The following BRINP3 variants were observed in gnomAD, a reference collection of about 807,000 sequenced individuals.
The protein encoded by BRINP3 is BMP/retinoic acid-inducible neural-specific protein 3.
Under a neutral mutation model 71.0 loss-of-function variants are expected in BRINP3, and 19 were observed. The observed-to-expected ratio is 0.27, with a 90% CI of 0.19 to 0.39. The LOEUF (loss-of-function observed/expected upper bound fraction) is 0.39. BRINP3 is among the 10% of genes least tolerant of loss of function. The probability of loss-of-function intolerance (pLI) is 1.00; values close to 1 mark genes in which losing one functional copy is unlikely to be tolerated. For synonymous variants in BRINP3, 380 were observed against 337.7 expected, an observed-to-expected ratio of 1.13 and a Z score of -1.37; for missense variants, 959 against 940.8, an observed-to-expected ratio of 1.02 and a Z score of -0.25.
intron 3 of BRINP3, among the ~76,000 whole-genome samples, chr1:190,270,579 T>A (rs1270483928): frequency 1.3e-5 from 2 of 151,828 alleles, no homozygotes; most frequent in African/African-American, 4.8e-5. Flanking sequence ...TTTTATGCAG[T>A]ATGTTGTTAC....
At chr1:190,270,439 T>C (rs1410839466) in intron 3 of BRINP3, among the ~76,000 whole-genome samples, 1 of 151,626 alleles carries the variant, frequency 6.6e-6, no homozygotes, top group African/African-American at 2.4e-5. Flanking sequence ...TTTGTAAAAA[T>C]AAGTGACTTA....
chr1:190,146,331 G>C (rs1278310591), intron 7 of BRINP3, among the ~76,000 whole-genome samples: 5 of 152,168 alleles, frequency 3.3e-5, no homozygotes, highest in Non-Finnish European at 5.9e-5. Context: ...CTTAAAAGGA[G>C]TGTCTTGGTA....
intron 4 of BRINP3, among the ~76,000 whole-genome samples, chr1:190,245,306 A>C (rs1470369407): frequency 6.6e-6 from 1 of 151,866 alleles, no homozygotes; most frequent in Non-Finnish European, 1.5e-5. Flanking sequence ...ACAAATCCAA[A>C]TTCTTTAGGA....
At chr1:190,408,658 T>C (rs1672461979) in intron 2 of BRINP3, among the ~76,000 whole-genome samples, 2 of 152,214 alleles carry the variant, frequency 1.3e-5, no homozygotes, top group African/African-American at 4.8e-5. Flanking sequence ...TATTTTTAAA[T>C]GTATTAAACT....
chr1:190,234,952 ACT>A (rs552250590), intron 4 of BRINP3, among the ~76,000 whole-genome samples: 1 of 151,960 alleles, frequency 6.6e-6, no homozygotes, highest in African/African-American at 2.4e-5. Context: ...GAAATTCTAA[ACT>A]CTCTGTTTGC....
chr1:190,212,893 T>C (rs978638860), intron 6 of BRINP3, among the ~76,000 whole-genome samples: 1 of 152,092 alleles, frequency 6.6e-6, no homozygotes, highest in Admixed American at 6.6e-5. Flanking sequence ...CATTTGATTA[T>C]ATTATTTTAA....
chr1:190,447,411 C>A (rs993993567), intron 2 of BRINP3, among the ~76,000 whole-genome samples: 4 of 146,256 alleles, frequency 2.7e-5, no homozygotes, highest in African/African-American at 9.9e-5. Context: ...GTATTAATTT[C>A]TTTTTAATTT....
chr1:190,451,250 TTA>T (rs1265789687), intron 2 of BRINP3, among the ~76,000 whole-genome samples: 1 of 152,196 alleles, frequency 6.6e-6, no homozygotes, highest in Non-Finnish European at 1.5e-5. Context: ...AATGTTTATT[TTA>T]TGATAATGAA....
chr1:190,360,022 A>G lies in BRINP3; in HGVS notation c.237-78272T>C, dbSNP rs556765619. Among the ~76,000 whole-genome samples, 6 of 152,314 alleles carry G rather than the reference A, an allele frequency of 3.9e-5. No individual in the cohort carries two copies. The East Asian group carries it at 1.2e-3, about 29-fold the overall frequency. On this transcript the variant is annotated intron_variant, in intron 2 of 7. Transcript: ENST00000367462. ...CGAGAAAAAAGACTCACTTCAGGCT[A>G]TAAAGGATTAAATTTGAAAAAGGCA...
Position 190,098,821 on chromosome 1 carries a change from G to C in BRINP3, c.1498C>G (p.Leu500Val). The change falls in exon 8 of 8, where the codon CTG becomes GTG. Residue 500 changes from leucine (L) to valine (V), a missense_variant. Coordinates refer to ENST00000367462, the MANE Select transcript of BRINP3 (RefSeq NM_199051.3). The part of the protein sequence containing the change: ...TDLQDLEMKY[L>V]LQKTDRRIEV... Reference sequence around the variant, plus strand: ...ATTCGTCTGTCCGTTTTCTGCAGCAGATATTTCATCTCGAGATCTTGCAGG... The same window carrying C: ...ATTCGTCTGTCCGTTTTCTGCAGCACATATTTCATCTCGAGATCTTGCAGG... 6.2e-7 allele frequency: 1 copy of C among 1,614,236 alleles called. No individual in the cohort carries two copies. The highest frequency in any genetic ancestry group is 8.5e-7 in the Non-Finnish European group (1 of 1,180,058).
At chr1:190,391,890 C>T (rs1571933182) in intron 2 of BRINP3, among the ~76,000 whole-genome samples, 2 of 151,698 alleles carry the variant, frequency 1.3e-5, no homozygotes, top group East Asian at 3.9e-4. Flanking sequence ...CGAAGGGAGA[C>T]AGATACTACT....
chr1:190,192,883 G>A (rs1654169732), intron 6 of BRINP3, among the ~76,000 whole-genome samples: 1 of 151,938 alleles, frequency 6.6e-6, no homozygotes, highest in Non-Finnish European at 1.5e-5. Context: ...GAAATATTCG[G>A]GGTAATAATG....
intron 2 of BRINP3, among the ~76,000 whole-genome samples, chr1:190,338,403 TG>T (rs1414493238): frequency 6.6e-6 from 1 of 152,096 alleles, no homozygotes; most frequent in Middle Eastern, 3.2e-3. Flanking sequence ...ACTCTATTGT[TG>T]AAAAGGTAAA....
chr1:190,344,268 G>A (rs141555535), intron 2 of BRINP3, among the ~76,000 whole-genome samples: 43 of 151,800 alleles, frequency 2.8e-4, no homozygotes, highest in Non-Finnish European at 5.6e-4. Context: ...ATTCCCCTTT[G>A]AGTCTGTTAC....
intron 6 of BRINP3, among the ~76,000 whole-genome samples, chr1:190,183,193 T>C (rs1653182785): frequency 6.6e-6 from 1 of 152,126 alleles, no homozygotes; most frequent in African/African-American, 2.4e-5. Flanking sequence ...CTCTGTCAGA[T>C]AATTCTAGCA....
At position 190,226,195 on chromosome 1, in the gene BRINP3, C is replaced by T. The variant is rs1293567748; in HGVS notation, c.848G>A (p.Gly283Asp). The change falls in exon 6 of 8, where the codon GGT becomes GAT. Residue 283 changes from glycine to aspartate, a missense_variant. Gly to Asp is a moderately conservative substitution (Grantham distance 94). Coordinates refer to ENST00000367462, the MANE Select transcript of BRINP3 (RefSeq NM_199051.3). ...GCAGTTGCATTCTGGAAATTTGGGACCACAGTGACACCAGCAGTCATTTTC... is the reference window on the plus strand; with the variant it reads ...GCAGTTGCATTCTGGAAATTTGGGATCACAGTGACACCAGCAGTCATTTTC... ...CKENDCWCHC[G>D]PKFPECNCPS... is the part of the protein sequence containing the mutation. The T allele has an allele frequency of 6.2e-7, 1 of 1,612,668 alleles. No homozygotes were observed. Among genetic ancestry groups the T allele is most frequent in the Non-Finnish European group, 8.5e-7 (1 of 1,179,144 alleles).
At chr1:190,456,764 A>T in intron 1 of BRINP3, among the ~76,000 whole-genome samples, 1 of 151,992 alleles carries the variant, frequency 6.6e-6, no homozygotes, top group East Asian at 1.9e-4. Flanking sequence ...TTTAATCATT[A>T]TTTTTAGAAT....
At chr1:190,300,150 A>T (rs1465268256) in intron 2 of BRINP3, among the ~76,000 whole-genome samples, 2 of 152,160 alleles carry the variant, frequency 1.3e-5, no homozygotes, top group Non-Finnish European at 2.9e-5. Flanking sequence ...AGTGTTTTCC[A>T]ACTTGGTTCC....
At position 190,228,213 on chromosome 1, in the gene BRINP3, A is replaced by AT. The variant is rs879334528; in HGVS notation, c.725-1896dup. On this transcript the variant is annotated intron_variant, in intron 5 of 7. Coordinates refer to ENST00000367462, the MANE Select transcript of BRINP3 (RefSeq NM_199051.3). ...CTGCACATTTCAGATACACCTAGTG[A>AT]TTTTTTTTTTTCTGAAAACTTAAAG... Among the ~76,000 whole-genome samples the AT allele has an allele frequency of 1.9e-3, 282 of 148,272 alleles. 1 individual carries two copies. Among genetic ancestry groups the AT allele is most frequent in the African/African-American group, 3.8e-3 (154 of 40,748 alleles).
Sources: gnomAD v4.1 joint callset for allele counts (sites outside exome capture counted in the v4.1 genomes callset) on GRCh38, gnomAD v4.1.1 for gene constraint, MANE v1.5 for transcripts, NCBI Gene and HGNC (gene_info 2026-07-23, HGNC 2026-07-21) for gene names.